SPNS3: variants seen among roughly 807,000 people sequenced by gnomAD.
SPNS3 encodes protein spinster homolog 3.
Under a neutral mutation model 54.4 loss-of-function variants are expected in SPNS3, and 51 were observed. That is an observed-to-expected ratio of 0.94 (90% confidence interval 0.75 to 1.18). The LOEUF is 1.18. Ranked by LOEUF, SPNS3 falls within the 50% of genes most tolerant of loss-of-function variation. The pLI, the probability that SPNS3 is intolerant of heterozygous loss-of-function variation, is 0.00. For missense variants in SPNS3, 669 were observed against 677.4 expected (o/e 0.99, Z 0.14); for synonymous variants, 309 against 294.7 (o/e 1.05, Z -0.50).
chr17:4,448,357 C>T (rs1170347289), intron 6 of SPNS3, 54 bp downstream of exon 6: 5 of 1,432,658 alleles, frequency 3.5e-6, no homozygotes, highest in African/African-American at 1.5e-5. Flanking sequence ...TTGTCTGCCC[C>T]AGCATCATTG....
chr17:4,438,034 G>T (rs1057495537), intron 1 of SPNS3, among the ~76,000 whole-genome samples: 1 of 152,164 alleles, frequency 6.6e-6, no homozygotes. Context: ...AGATCTGCCG[G>T]CCTCGGCCTC....
At chr17:4,471,537 C>T (rs187516376) in intron 8 of SPNS3, among the ~76,000 whole-genome samples, 1 of 152,104 alleles carries the variant, frequency 6.6e-6, no homozygotes, top group Non-Finnish European at 1.5e-5. Flanking sequence ...GCAATCATGG[C>T]TGTCTGCAGC....
At chr17:4,478,780 G>C (rs1299356755) in intron 9 of SPNS3, 143 bp downstream of exon 9, 2 of 755,034 alleles carry the variant, frequency 2.6e-6, no homozygotes, top group Non-Finnish European at 4.3e-6. Flanking sequence ...TCTTGGACCA[G>C]AGGCCTCTCT....
chr17:4,479,944 T>G (rs548394715), intron 9 of SPNS3, among the ~76,000 whole-genome samples: 4 of 152,370 alleles, frequency 2.6e-5, no homozygotes, highest in African/African-American at 9.6e-5. Flanking sequence ...AATCCGGAAT[T>G]TTCCATTTTC....
chr17:4,488,103 C>T lies in SPNS3; in HGVS notation c.*209C>T. ...CGTGGGAGGCCTGGGCCTGTGCCTG[C>T]ATCCCGCTCAAGGCTGCCCCAGCCT... On this transcript the variant is annotated 3_prime_UTR_variant, in exon 12 of 12. Coordinates refer to ENST00000355530, the MANE Select transcript of SPNS3 (RefSeq NM_182538.5). The T allele has an allele frequency of 1.7e-6, 1 of 585,668 alleles. No homozygotes were observed. The highest frequency in any genetic ancestry group is 3.0e-6 in the Non-Finnish European group (1 of 329,164). 36.3% of individuals were successfully genotyped at this position (585,668 alleles called of 1,614,324 possible).
intron 2 of SPNS3, among the ~76,000 whole-genome samples, chr17:4,442,297 G>GGAGGCT (rs1271338208): frequency 2.5e-4 from 37 of 148,610 alleles, no homozygotes; most frequent in Non-Finnish European, 4.3e-4. Flanking sequence ...CAGCACTTTG[G>GGAGGCT]GAGGCTGGGT....
At chr17:4,462,834 CATTCA>C (rs1971570736) in intron 8 of SPNS3, among the ~76,000 whole-genome samples, 1 of 106,776 alleles carries the variant, frequency 9.4e-6, no homozygotes, top group African/African-American at 3.6e-5. Flanking sequence ...TCCATCCATC[CATTCA>C]ACCACGCACC....
intron 8 of SPNS3, among the ~76,000 whole-genome samples, chr17:4,472,260 G>A (rs577956114): frequency 1.3e-5 from 2 of 152,212 alleles, no homozygotes; most frequent in Non-Finnish European, 2.9e-5. Flanking sequence ...CTCTGAGCTG[G>A]GTGTAGGCAG....
intron 8 of SPNS3, among the ~76,000 whole-genome samples, chr17:4,476,139 C>T (rs1401819908): frequency 6.6e-6 from 1 of 152,202 alleles, no homozygotes; most frequent in African/African-American, 2.4e-5. Context: ...GCCCTGGTGG[C>T]CGCTGCCCCG....
intron 8 of SPNS3, among the ~76,000 whole-genome samples, chr17:4,474,251 G>A (rs929664472): frequency 6.6e-5 from 10 of 152,256 alleles, no homozygotes; most frequent in Non-Finnish European, 1.0e-4. Context: ...AAACCAGGCG[G>A]TGCCCTCGTG....
intron 9 of SPNS3, among the ~76,000 whole-genome samples, chr17:4,479,360 C>T (rs546693960): frequency 2.1e-4 from 32 of 152,368 alleles, no homozygotes; most frequent in Non-Finnish European, 1.9e-4. Flanking sequence ...CCCATTGTGC[C>T]AGCCCACACC....
intron 8 of SPNS3, among the ~76,000 whole-genome samples, chr17:4,453,948 T>C (rs1340160702): frequency 5.3e-5 from 8 of 152,232 alleles, no homozygotes; most frequent in Non-Finnish European, 1.0e-4. Flanking sequence ...CCTCACACTC[T>C]GGCTGTGCCA....
At chr17:4,435,537 G>A (rs62066150) in intron 1 of SPNS3, among the ~76,000 whole-genome samples, 19,160 of 150,978 alleles carry the variant, frequency 0.13, 1,533 homozygotes, top group Non-Finnish European at 0.18. Flanking sequence ...GAGACATAAT[G>A]AGGGGTGGGT....
intron 8 of SPNS3, among the ~76,000 whole-genome samples, chr17:4,472,902 C>T (rs770596636): frequency 6.7e-6 from 1 of 148,932 alleles, no homozygotes; most frequent in East Asian, 2.0e-4. Context: ...GATCCTCCCC[C>T]TTCAGCCTCT....
At chr17:4,443,843 G>A (rs777657193) in intron 2 of SPNS3, among the ~76,000 whole-genome samples, 5 of 152,258 alleles carry the variant, frequency 3.3e-5, no homozygotes, top group Non-Finnish European at 5.9e-5. Context: ...GCCCACGCCT[G>A]TAACCCCAGC....
chr17:4,476,373 C>A (rs185380902), intron 8 of SPNS3, among the ~76,000 whole-genome samples: 85 of 152,280 alleles, frequency 5.6e-4, no homozygotes, highest in African/African-American at 1.9e-3. Context: ...CACCCTGTCC[C>A]AGCTGGAGGA....
chr17:4,445,445 G>A (rs973693067), intron 3 of SPNS3, among the ~76,000 whole-genome samples: 3 of 150,828 alleles, frequency 2.0e-5, no homozygotes, highest in Middle Eastern at 3.4e-3. Flanking sequence ...GCGTGATCTC[G>A]ACTCACTGCA....
Position 4,444,941 on chromosome 17 carries a change from T to C in SPNS3, c.266-91T>C, listed in dbSNP as rs1970942590. ...ACTGCCAAGATGCCAGCTTGTGGCATCTGAGTCAGGCTCCTTCCCTGGGCC... is the reference window on the plus strand; with the variant it reads ...ACTGCCAAGATGCCAGCTTGTGGCACCTGAGTCAGGCTCCTTCCCTGGGCC... On this transcript the variant is annotated intron_variant, in intron 2 of 11. Coordinates refer to ENST00000355530, the MANE Select transcript of SPNS3 (RefSeq NM_182538.5). 6.1e-6 allele frequency: 9 copies of C among 1,465,120 alleles called. No homozygotes were observed. The South Asian group carries it at 9.3e-5, about 15-fold the overall frequency. The allele number at this position is 1,465,120 out of a possible 1,614,324, so 90.8% of individuals were successfully genotyped here.
At chr17:4,435,856 C>T (rs567294015) in intron 1 of SPNS3, among the ~76,000 whole-genome samples, 9 of 152,230 alleles carry the variant, frequency 5.9e-5, no homozygotes, top group Admixed American at 2.6e-4. Flanking sequence ...CGCTTGAACC[C>T]GGGAGGCGGA....
Sources: allele counts gnomAD v4.1 joint callset (sites outside exome capture counted in the v4.1 genomes callset), GRCh38; gene constraint gnomAD v4.1.1; transcripts MANE v1.5; gene names NCBI Gene and HGNC (gene_info 2026-07-23, HGNC 2026-07-21).